Variants in C4orf50 observed in about 807,000 individuals in gnomAD.
C4orf50 encodes the protein uncharacterized protein C4orf50.
In C4orf50, 80 loss-of-function variants were observed where a neutral mutation model predicts 77.2. The ratio of observed to expected loss-of-function variants is 1.04; its 90% CI spans 0.87 to 1.25. The LOEUF (loss-of-function observed/expected upper bound fraction) is 1.25, where lower values mean the gene tolerates loss of function less well. Ranked by LOEUF, C4orf50 falls within the 50% of genes most tolerant of loss-of-function variation. The probability of loss-of-function intolerance (pLI) is 0.00; values close to 1 mark genes in which losing one functional copy is unlikely to be tolerated. For missense variants in C4orf50, 1,257 were observed against 1,152.9 expected, an observed-to-expected ratio of 1.09 and a Z score of -1.31; for synonymous variants, 532 against 465.3, an observed-to-expected ratio of 1.14 and a Z score of -1.84.
In C4orf50 at chr4:5,988,686, G is replaced by A. The variant is rs142111984; in HGVS notation, c.3360C>T (p.His1120=). The change falls in exon 28 of 34, where the codon CAC becomes CAT. Residue 1120 remains histidine, a synonymous_variant. Transcript: ENST00000531445. Reference sequence around the variant, plus strand: ...CGTGCATCTTGGCTTTTCCCTGGAGGTGCTCCCTTCCCCTCACCAAACGCC... The same window carrying A: ...CGTGCATCTTGGCTTTTCCCTGGAGATGCTCCCTTCCCCTCACCAAACGCC... 129 of 1,536,014 alleles carry A rather than the reference G, an allele frequency of 8.4e-5. 2 individuals are homozygous for A. In the East Asian group the frequency reaches 2.4e-3, roughly 28 times the overall value.
intron 23 of C4orf50, among the ~76,000 whole-genome samples, chr4:6,016,291 A>G (rs954600947): frequency 4.4e-4 from 67 of 152,250 alleles, no homozygotes; most frequent in African/African-American, 1.6e-3. Context: ...GCTCACGTCT[A>G]TAATCCCAAC....
intron 25 of C4orf50, among the ~76,000 whole-genome samples, chr4:6,004,196 G>GCTGATGGTGATGAT (rs1560598678): frequency 1.1e-4 from 13 of 118,146 alleles, no homozygotes; most frequent in Admixed American, 3.0e-4. Flanking sequence ...TGGTGATGAT[G>GCTGATGGTGATGAT]GTGATGGTGA....
chr4:5,926,018 C>T (rs993036295), intron 7 of C4orf50, among the ~76,000 whole-genome samples: 4 of 152,132 alleles, frequency 2.6e-5, no homozygotes, highest in Non-Finnish European at 4.4e-5. Flanking sequence ...ATGCAGAAGG[C>T]GGAGCCACGC....
intron 28 of C4orf50, among the ~76,000 whole-genome samples, chr4:5,983,176 C>T (rs1396351712): frequency 6.6e-6 from 1 of 152,232 alleles, no homozygotes; most frequent in East Asian, 1.9e-4. Flanking sequence ...CAGCTGTTCT[C>T]CTTCAATCCA....
Position 5,932,849 on chromosome 4 carries a change from A to C in C4orf50, c.*2474+24052T>G, listed in dbSNP as rs1446023766. On this transcript the variant is annotated intron_variant, in intron 7 of 7. Coordinates refer to the C4orf50 transcript ENST00000324058. This position sits in a 1 kb window ranked among gnomAD's most constrained non-coding sequence, Gnocchi z 4.2. ...CTTCTGCACAGAGGAGAATATTACT[A>C]GTTAGCTTCACAAATTGTTACAGGG... is the stretch of plus-strand genomic sequence containing the variant. 1.3e-5 allele frequency among the ~76,000 whole-genome samples: 2 copies of C among 152,200 alleles called. No individual in the cohort carries two copies. Among genetic ancestry groups the C allele is most frequent in the African/African-American group, 4.8e-5 (2 of 41,446 alleles).
In C4orf50 at chr4:5,989,901, A is replaced by T. The variant is rs1721157493; in HGVS notation, c.2145T>A (p.Leu715=). The T allele has an allele frequency of 1.0e-5, 15 of 1,432,244 alleles. 1 individual carries two copies. The highest frequency in any genetic ancestry group is 3.0e-5 in the South Asian group (2 of 66,098). 88.7% of individuals were successfully genotyped at this position (1,432,244 alleles called of 1,614,324 possible). Residue 715 remains leucine, a synonymous_variant, in exon 28 of 34, where the codon CTT becomes CTA. Coordinates refer to ENST00000531445, the Ensembl canonical transcript of C4orf50. ...TGTCCTCCAGGCTTCCTCCTTGCAG[A>T]AGCAGAGCATTTCCAAGCCACACTT...
Position 6,017,064 on chromosome 4 carries a change from G to C in C4orf50, c.287+1081C>G, listed in dbSNP as rs189053887. On this transcript the variant is annotated intron_variant, in intron 23 of 33. Coordinates refer to ENST00000531445, the Ensembl canonical transcript of C4orf50. The surrounding 1 kb of genome is among the most constrained non-coding windows in gnomAD (Gnocchi z 4.7). Reference sequence around the variant, plus strand: ...TCAAGACATCGTCAGGAAAGAAGATGGGCTTTAGAGAAAGACCTGGATTCA... The same window carrying C: ...TCAAGACATCGTCAGGAAAGAAGATCGGCTTTAGAGAAAGACCTGGATTCA... 5.4e-4 allele frequency among the ~76,000 whole-genome samples: 82 copies of C among 152,326 alleles called. No homozygotes were observed. The highest frequency in any genetic ancestry group is 9.1e-4 in the Non-Finnish European group (62 of 68,034).
intron 7 of C4orf50, among the ~76,000 whole-genome samples, chr4:5,907,408 T>G (rs1287230936): frequency 6.6e-6 from 1 of 152,184 alleles, no homozygotes; most frequent in Non-Finnish European, 1.5e-5. Flanking sequence ...AATCATCAGA[T>G]GCAATAAATA....
Position 5,914,275 on chromosome 4 carries a change from G to A in C4orf50, c.*2475-16087C>T, listed in dbSNP as rs1716941287. ...GCTGGAGGGCAGTGGCGCAATCTCG[G>A]CTCACTGCAACCTCTGCCTCCCGGG... On this transcript the variant is annotated intron_variant, in intron 7 of 7. Transcript: ENST00000324058. Among the ~76,000 whole-genome samples, 3 of 148,992 alleles carry A rather than the reference G, an allele frequency of 2.0e-5. No homozygotes were observed. The South Asian group carries it at 6.3e-4, about 32-fold the overall frequency.
chr4:6,014,717 A>C (rs750902084), intron 23 of C4orf50, among the ~76,000 whole-genome samples: 60 of 152,286 alleles, frequency 3.9e-4, no homozygotes, highest in African/African-American at 1.4e-3. Context: ...TCATCTGTCA[A>C]AGGAGATGAT....
chr4:5,996,132 C>T lies in C4orf50; in HGVS notation c.964-1656G>A, dbSNP rs376448935. On this transcript the variant is annotated intron_variant, in intron 25 of 33. Coordinates refer to ENST00000531445, the Ensembl canonical transcript of C4orf50. ...CCTTGTTCCCACCTCTGCAGCTTTG[C>T]GCCAGCTTCCCCTCACAGCAACCTG... Among the ~76,000 whole-genome samples, 13 of 152,352 alleles carry T rather than the reference C, an allele frequency of 8.5e-5. No homozygotes were observed. The East Asian group carries it at 1.7e-3, about 20-fold the overall frequency.
intron 7 of C4orf50, among the ~76,000 whole-genome samples, chr4:5,928,589 C>T (rs1046004656): frequency 2.0e-5 from 3 of 152,120 alleles, no homozygotes; most frequent in South Asian, 4.1e-4. Flanking sequence ...GGACGAGCAC[C>T]GGGATGAGCT....
intron 25 of C4orf50, among the ~76,000 whole-genome samples, chr4:5,995,227 C>T (rs953196977): frequency 6.6e-6 from 1 of 152,098 alleles, no homozygotes; most frequent in African/African-American, 2.4e-5. Context: ...GAAGAAGGTA[C>T]CCTTCCTGTG....
intron 33 of C4orf50, among the ~76,000 whole-genome samples, chr4:5,964,191 C>T (rs1294141057): frequency 3.3e-5 from 5 of 152,128 alleles, no homozygotes; most frequent in African/African-American, 1.2e-4. Flanking sequence ...CAGGAAGGAG[C>T]CAGCTGAGAG....
At position 5,919,562 on chromosome 4, in the gene C4orf50, T is replaced by G. The variant is rs939832537; in HGVS notation, c.*2475-21374A>C. 6.6e-6 allele frequency among the ~76,000 whole-genome samples: 1 copy of G among 152,036 alleles called. No individual in the cohort carries two copies. Among genetic ancestry groups the G allele is most frequent in the Non-Finnish European group, 1.5e-5 (1 of 68,006 alleles). On this transcript the variant is annotated intron_variant, in intron 7 of 7. Transcript: ENST00000324058. The surrounding 1 kb of genome is among the most constrained non-coding windows in gnomAD (Gnocchi z 6.5). ...GAGCAGCTATCAGCTGAAGCATGGG[T>G]GGAGAGGATAGCTGCTGTCTCCAGA...
At chr4:5,948,429 C>T (rs1718575136) in intron 7 of C4orf50, among the ~76,000 whole-genome samples, 1 of 152,172 alleles carries the variant, frequency 6.6e-6, no homozygotes, top group Non-Finnish European at 1.5e-5. Flanking sequence ...CTTTGGGAGG[C>T]CGAGGTGGGT....
intron 7 of C4orf50, among the ~76,000 whole-genome samples, chr4:5,922,244 A>C (rs1717308935): frequency 6.6e-6 from 1 of 152,216 alleles, no homozygotes; most frequent in African/African-American, 2.4e-5. Context: ...ACAGTGATGC[A>C]CGGGGACAGA....
intron 25 of C4orf50, among the ~76,000 whole-genome samples, chr4:5,995,441 C>T (rs879835806): frequency 6.6e-6 from 1 of 151,598 alleles, no homozygotes; most frequent in Non-Finnish European, 1.5e-5. Context: ...CAGCTCCTTC[C>T]TCCCTGCCAC....
intron 28 of C4orf50, among the ~76,000 whole-genome samples, chr4:5,986,490 G>T (rs960369231): frequency 8.6e-5 from 13 of 151,122 alleles, no homozygotes; most frequent in Non-Finnish European, 1.6e-4. Flanking sequence ...TCATCCTTTT[G>T]GACTTTAATT....
Sources: gnomAD v4.1 joint callset for allele counts (sites outside exome capture counted in the v4.1 genomes callset) on GRCh38, gnomAD v4.1.1 for gene constraint, Gnocchi (gnomAD v3.1) non-coding constraint, MANE v1.5 for transcripts, NCBI Gene and HGNC (gene_info 2026-07-23, HGNC 2026-07-21) for gene names.